Variants in NID2 observed in about 807,000 individuals in gnomAD.
The protein encoded by NID2 is nidogen-2.
Under a neutral mutation model 145.4 loss-of-function variants are expected in NID2, and 83 were observed. That is an observed-to-expected ratio of 0.57 (90% CI 0.48 to 0.69). The LOEUF (loss-of-function observed/expected upper bound fraction) is 0.69, where lower values mean the gene tolerates loss of function less well. NID2 is among the 30% of genes least tolerant of loss of function. NID2 has a pLI of 0.00. For synonymous variants in NID2, 739 were observed against 701.3 expected, an observed-to-expected ratio of 1.05 and a Z score of -0.85; for missense variants, 1,807 against 1,765.7, an observed-to-expected ratio of 1.02 and a Z score of -0.42.
intron 5 of NID2, among the ~76,000 whole-genome samples, chr14:52,044,638 G>A (rs1228659049): frequency 6.6e-6 from 1 of 151,408 alleles, no homozygotes; most frequent in East Asian, 2.0e-4. Context: ...GTTGAGACAG[G>A]GTTTTGCTCT....
chr14:52,053,332 C>A (rs554122423), intron 5 of NID2, among the ~76,000 whole-genome samples: 6 of 152,280 alleles, frequency 3.9e-5, no homozygotes, highest in African/African-American at 1.4e-4. Context: ...CCCCCACTCA[C>A]TTCATGAGGC....
At position 52,045,657 on chromosome 14, in the gene NID2, G is replaced by C. The variant is rs1004636922; in HGVS notation, c.1430-2726C>G. Among the ~76,000 whole-genome samples, 25 of 151,794 alleles carry C rather than the reference G, an allele frequency of 1.6e-4. No individual in the cohort carries two copies. In the East Asian group the frequency reaches 2.9e-3, roughly 18 times the overall value. On this transcript the variant is annotated intron_variant, in intron 5 of 21. Transcript: ENST00000216286. ...TTTAAGAAAGGGAAAAAAACATTTAGAGTAAAAGGAAATGAATGTAACTTG... is the reference window on the plus strand; with the variant it reads ...TTTAAGAAAGGGAAAAAAACATTTACAGTAAAAGGAAATGAATGTAACTTG...
chr14:52,057,298 C>T (rs1204463879), intron 3 of NID2, among the ~76,000 whole-genome samples: 1 of 152,206 alleles, frequency 6.6e-6, no homozygotes, highest in East Asian at 1.9e-4. Flanking sequence ...CCACCTTGGC[C>T]TCCCAAAGCG....
intron 21 of NID2, 37 bp from the exon 22 acceptor site, chr14:52,005,533 G>T (rs1183644799): frequency 1.3e-6 from 2 of 1,590,814 alleles, no homozygotes; most frequent in Non-Finnish European, 1.7e-6. Context: ...AGGGTGGTGG[G>T]TGAGTATATT....
Position 52,068,146 on chromosome 14 carries a change from G to C in NID2, c.246C>G (p.Ile82Met). ...CCCTGGGGAAGTCCTGAGTGGAGAT[G>C]ATGCCGTTGGTGCCCACCTGGGAGA... The part of the protein sequence containing the change: ...FSNLYVGTNG[I>M]ISTQDFPRET... Residue 82 changes from isoleucine to methionine, a missense_variant, in exon 2 of 22, where the codon ATC (isoleucine) becomes ATG (methionine). Physicochemically the swap from Ile to Met is conservative, Grantham distance 10. Transcript: ENST00000216286. The C allele has an allele frequency of 6.2e-7, 1 of 1,613,158 alleles. No homozygotes were observed. Among genetic ancestry groups the C allele is most frequent in the Non-Finnish European group, 8.5e-7 (1 of 1,179,872 alleles).
chr14:52,021,238 G>A (rs1277350356), intron 12 of NID2, among the ~76,000 whole-genome samples: 1 of 152,166 alleles, frequency 6.6e-6, no homozygotes, highest in Non-Finnish European at 1.5e-5. Context: ...AAAAAAATGT[G>A]GGATGGTGTG....
intron 19 of NID2, 32 bp downstream of exon 19, chr14:52,007,778 G>A (rs1458240351): frequency 1.3e-6 from 2 of 1,583,988 alleles, no homozygotes; most frequent in South Asian, 1.1e-5. Flanking sequence ...GTGATGAGAG[G>A]TTATCTATTT....
rs1403827303 is a variant in NID2 at position 52,054,016 on chromosome 14, C to A, written c.1069+4G>T. On this transcript the variant is annotated splice_donor_region_variant and intron_variant, in intron 4 of 21. Coordinates refer to ENST00000216286, the MANE Select transcript of NID2 (RefSeq NM_007361.4). Reference sequence around the variant, plus strand: ...CAGATCAGAATCTGGAGGGGAGATCCTACCCTCTAAAGGCTTTGTATCCAC... The same window carrying A: ...CAGATCAGAATCTGGAGGGGAGATCATACCCTCTAAAGGCTTTGTATCCAC... 1.2e-6 allele frequency: 2 copies of A among 1,612,532 alleles called. No homozygotes were observed. Among genetic ancestry groups the A allele is most frequent in the South Asian group, 1.1e-5 (1 of 90,764 alleles).
At position 52,027,194 on chromosome 14, in the gene NID2, T is replaced by G; in HGVS notation, c.2674+7A>C. ...CCAGTCATTGAGGCTGACCTGCAGTTACTCACCAGTGCACTGGTGCCCATC... is the reference window on the plus strand; with the variant it reads ...CCAGTCATTGAGGCTGACCTGCAGTGACTCACCAGTGCACTGGTGCCCATC... On this transcript the variant is annotated splice_region_variant and intron_variant, in intron 12 of 21. Transcript: ENST00000216286. The G allele has an allele frequency of 6.7e-7, 1 of 1,490,878 alleles. No homozygotes were observed. Among genetic ancestry groups the G allele is most frequent in the Non-Finnish European group, 9.0e-7 (1 of 1,116,888 alleles). 92.4% of individuals were successfully genotyped at this position (1,490,878 alleles called of 1,614,324 possible). A position where few individuals can be genotyped will look rare whatever the true frequency, so the allele number is the denominator to read the frequency against.
chr14:52,023,679 CA>C (rs760548477), intron 12 of NID2, among the ~76,000 whole-genome samples: 43 of 152,066 alleles, frequency 2.8e-4, no homozygotes, highest in Non-Finnish European at 6.0e-4. Context: ...CACAACAATC[CA>C]AAAGGACAAA....
intron 14 of NID2, among the ~76,000 whole-genome samples, chr14:52,017,751 A>C (rs1354994427): frequency 3.3e-5 from 5 of 152,168 alleles, no homozygotes; most frequent in Non-Finnish European, 5.9e-5. Flanking sequence ...TAAAAATAGA[A>C]ACAAAGAGCG....
intron 9 of NID2, among the ~76,000 whole-genome samples, chr14:52,030,811 A>AC: frequency 6.6e-6 from 1 of 152,166 alleles, no homozygotes; most frequent in Non-Finnish European, 1.5e-5. Flanking sequence ...TGATTGTGCC[A>AC]CTGCACTCCA....
At chr14:52,059,035 C>A (rs1892943072) in intron 3 of NID2, among the ~76,000 whole-genome samples, 1 of 152,100 alleles carries the variant, frequency 6.6e-6, no homozygotes, top group Non-Finnish European at 1.5e-5. Flanking sequence ...GTTCAGCACT[C>A]CAGACTTGAG....
intron 9 of NID2, among the ~76,000 whole-genome samples, chr14:52,030,573 GAAGGGAAAGAAAGAAA>G (rs1278616380): frequency 3.8e-5 from 1 of 26,010 alleles, no homozygotes; most frequent in East Asian, 5.4e-4. Flanking sequence ...AGAAAGGAAG[GAAGGGAAAGAAAGAAA>G]GAAAGAAAGA....
At position 52,068,030 on chromosome 14, in the gene NID2, C is replaced by CGGCCTCTG. The variant is rs1358231474; in HGVS notation, c.354_361dup (p.Arg121ProfsTer46). On this transcript the variant is annotated frameshift_variant, in exon 2 of 22. Transcript: ENST00000216286. LOFTEE classifies it high-confidence loss of function. ...GGAGGTGTCCTCTCGGTACAGGACT[C>CGGCCTCTG]GGCCTCTGCCGTGGCTCGTGTCGAT... The CGGCCTCTG allele has an allele frequency of 1.2e-6, 2 of 1,613,900 alleles. No homozygotes were observed. The highest frequency in any genetic ancestry group is 1.7e-6 in the Non-Finnish European group (2 of 1,179,902).
At chr14:52,020,349 TAGAA>T (rs1191678377) in intron 12 of NID2, 171 bp from the exon 13 acceptor site, 11 of 1,092,978 alleles carry the variant, frequency 1.0e-5, no homozygotes, top group Admixed American at 6.3e-5. Flanking sequence ...GTAAGCTTAA[TAGAA>T]AGGAAGAAAA....
At chr14:52,038,691 C>T in intron 9 of NID2, 56 bp downstream of exon 9, 1 of 1,377,784 alleles carries the variant, frequency 7.3e-7, no homozygotes, top group Non-Finnish European at 9.9e-7. Flanking sequence ...GTGAATCATT[C>T]TAACTCTACT....
Position 52,010,967 on chromosome 14 carries a change from C to CT in NID2, c.3630dup (p.Glu1211ArgfsTer9). 6.2e-7 allele frequency: 1 copy of CT among 1,614,176 alleles called. No individual in the cohort carries two copies. Among genetic ancestry groups the CT allele is most frequent in the Non-Finnish European group, 8.5e-7 (1 of 1,180,038 alleles). ...TCAGAGCCATCCAGCAGGGCGCTCT[C>CT]TATCTTATCCAGGACACTGTCCGTC... On this transcript the variant is annotated frameshift_variant, in exon 18 of 22. Coordinates refer to ENST00000216286, the MANE Select transcript of NID2 (RefSeq NM_007361.4). LOFTEE classifies it high-confidence loss of function.
In NID2 at chr14:52,028,686, A is replaced by G. The variant is rs747076841; in HGVS notation, c.2530+36T>C. The G allele has an allele frequency of 3.7e-6, 6 of 1,607,730 alleles. No individual in the cohort carries two copies. The South Asian group carries it at 5.6e-5, about 15-fold the overall frequency. On this transcript the variant is annotated intron_variant, in intron 11 of 21. Coordinates refer to ENST00000216286, the MANE Select transcript of NID2 (RefSeq NM_007361.4). ...TTAAAGAGCAAGATTAAAGAGCACC[A>G]TTTTGGCCACACAGGAAAATGATTT... is the stretch of plus-strand genomic sequence containing the variant.
Sources: allele counts gnomAD v4.1 joint callset (sites outside exome capture counted in the v4.1 genomes callset), GRCh38; gene constraint gnomAD v4.1.1; transcripts MANE v1.5; gene names NCBI Gene and HGNC (gene_info 2026-07-23, HGNC 2026-07-21).